The following ADPRHL1 variants were observed in gnomAD, a reference collection of about 807,000 sequenced individuals.
The protein encoded by ADPRHL1 is ADP-ribosylhydrolase like 1, also known as inactive ADP-ribosyltransferase ARH2.
ADPRHL1 carries 43 observed loss-of-function variants against 44.1 expected under a neutral mutation model. The observed-to-expected ratio is 0.98, with a 90% CI of 0.76 to 1.26. The LOEUF (loss-of-function observed/expected upper bound fraction) is 1.26, where lower values mean the gene tolerates loss of function less well. Among genes scored for constraint, ADPRHL1 ranks in the 50% most tolerant of loss-of-function variants. ADPRHL1 has a pLI of 0.00. For missense variants in ADPRHL1, 2,022 were observed against 2,496.9 expected (o/e 0.81, Z 4.05); for synonymous variants, 878 against 1,017.4 (o/e 0.86, Z 2.61).
Position 113,409,692 on chromosome 13 carries a change from C to T in ADPRHL1, c.1062-1472G>A, listed in dbSNP as rs2043837209. 1.2e-6 allele frequency: 1 copy of T among 818,270 alleles called. No individual in the cohort carries two copies. 50.7% of individuals were successfully genotyped at this position (818,270 alleles called of 1,614,324 possible). On this transcript the variant is annotated intron_variant, in intron 7 of 7. Transcript: ENST00000612156. The surrounding 1 kb of genome is among the most constrained non-coding windows in gnomAD (Gnocchi z 4.2). ...ACGAGGTCAGGAGATCGAGACCATC[C>T]TGGATAACACGGTGAAACCCCGTCT...
rs752491772 is a variant in ADPRHL1 at position 113,409,308 on chromosome 13, C to T, written c.1062-1088G>A. 2 of 985,394 alleles carry T rather than the reference C, an allele frequency of 2.0e-6. No homozygotes were observed. Among genetic ancestry groups the T allele is most frequent in the Non-Finnish European group, 2.4e-6 (2 of 829,930 alleles). The allele number at this position is 985,394 out of a possible 1,614,324, so 61.0% of individuals were successfully genotyped here. A position where few individuals can be genotyped will look rare whatever the true frequency, so the allele number is the denominator to read the frequency against. On this transcript the variant is annotated intron_variant, in intron 7 of 7. Coordinates refer to ENST00000612156, the MANE Select transcript of ADPRHL1 (RefSeq NM_001394807.1). The surrounding 1 kb of genome is among the most constrained non-coding windows in gnomAD (Gnocchi z 4.2). The stretch of plus-strand genomic sequence containing the variant: ...GGGGTGGAGCCGTCTCTGACCTCCC[C>T]AGATGATAATTTTGGGTAGACGCAC...
intron 2 of ADPRHL1, among the ~76,000 whole-genome samples, chr13:113,435,437 C>A (rs2044046247): frequency 2.3e-5 from 3 of 131,898 alleles, no homozygotes; most frequent in Non-Finnish European, 4.8e-5. Flanking sequence ...CGGGACCCAG[C>A]ACCCAGGTGT....
Position 113,405,192 on chromosome 13 carries a change from C to A in ADPRHL1, c.4090G>T (p.Ala1364Ser), listed in dbSNP as rs9604100. Residue 1364 changes from alanine to serine, a missense_variant, in exon 8 of 8, where the codon GCA (alanine) becomes TCA (serine). Ala to Ser is a moderately conservative substitution (Grantham distance 99, BLOSUM62 1). Coordinates refer to ENST00000612156, the MANE Select transcript of ADPRHL1 (RefSeq NM_001394807.1). ...RASVPEPRTQ[A>S]GESQERPLTQ... ...AGGGGACGCTCCTGGGATTCACCTG[C>A]CTGCGTCCTAGGCTCGGGGACACTG... The A allele has an allele frequency of 0.095, 117,390 of 1,231,832 alleles. 6,413 individuals carry two copies. The highest frequency in any genetic ancestry group is 0.23 in the African/African-American group (14,738 of 64,516). The allele number at this position is 1,231,832 out of a possible 1,614,324, so 76.3% of individuals were successfully genotyped here. A position where few individuals can be genotyped will look rare whatever the true frequency, so the allele number is the denominator to read the frequency against.
intron 7 of ADPRHL1, among the ~76,000 whole-genome samples, chr13:113,412,449 A>T (rs1162217458): frequency 1.3e-5 from 2 of 152,218 alleles, no homozygotes; most frequent in Non-Finnish European, 2.9e-5. Flanking sequence ...AAGTGCTGGG[A>T]TGACAGGCGT....
At chr13:113,442,731 T>C (rs1037795610) in intron 2 of ADPRHL1, among the ~76,000 whole-genome samples, 6 of 152,236 alleles carry the variant, frequency 3.9e-5, no homozygotes, top group Non-Finnish European at 7.3e-5. Flanking sequence ...TGTGAGTTTA[T>C]AGTTTTCATC....
intron 7 of ADPRHL1, chr13:113,421,974 G>T (rs962444170): frequency 1.3e-5 from 2 of 152,266 alleles, no homozygotes; most frequent in Non-Finnish European, 2.9e-5. Flanking sequence ...ATTCACACCA[G>T]ATGCTGCATG....
intron 4 of ADPRHL1, among the ~76,000 whole-genome samples, chr13:113,426,927 A>G (rs1361873682): frequency 6.6e-6 from 1 of 152,236 alleles, no homozygotes; most frequent in Non-Finnish European, 1.5e-5. Context: ...AGCCCAGAGC[A>G]GTGTTTCCGG....
chr13:113,439,056 T>C (rs1270939156), intron 2 of ADPRHL1, among the ~76,000 whole-genome samples: 1 of 152,212 alleles, frequency 6.6e-6, no homozygotes, highest in African/African-American at 2.4e-5. Context: ...TTTATATTAT[T>C]TATTCCTCAA....
chr13:113,425,171 C>G lies in ADPRHL1; in HGVS notation c.655G>C (p.Glu219Gln). The change falls in exon 5 of 8, where the codon GAG becomes CAG. Residue 219 changes from glutamate to glutamine, a missense_variant. Physicochemically the swap from Glu to Gln is conservative, Grantham distance 29. Around this residue, in one of 8 missense-constraint regions of ADPRHL1, gnomAD observed 437 missense variants for 430.7 expected, o/e 1.01. Transcript: ENST00000612156. ...KTIRHTAEYQ[E>Q]HWFYFEAKWQ... ...TTAGCTTCAAAGTAAAACCAGTGCT[C>G]CTGGTATTCTAAACATAAAGAACAA... 1 of 1,568,676 alleles carries G rather than the reference C, an allele frequency of 6.4e-7. No homozygotes were observed. The highest frequency in any genetic ancestry group is 8.7e-7 in the Non-Finnish European group (1 of 1,151,692).
At chr13:113,419,416 C>T (rs1488390785) in intron 7 of ADPRHL1, among the ~76,000 whole-genome samples, 2 of 151,642 alleles carry the variant, frequency 1.3e-5, no homozygotes, top group African/African-American at 2.4e-5. Flanking sequence ...CTGGCCACAC[C>T]TTATTTCATA....
rs1014019057 is a variant in ADPRHL1, at chr13:113,406,420, G to A, written c.2862C>T (p.Gly954=). ...CAAAGCTGCCTTTGTTTTCCTTCCC[G>A]CCAGCAGGATCTGTCTGGAGTCTCT... The part of the protein sequence containing the change: ...LTQRLQTDPA[G]GKENKGSFEN... Residue 954 remains glycine, a synonymous_variant, in exon 8 of 8, where the codon GGC becomes GGT. Transcript: ENST00000612156. The A allele has an allele frequency of 1.3e-5, 16 of 1,231,916 alleles. No homozygotes were observed. The highest frequency in any genetic ancestry group is 1.1e-4 in the African/African-American group (7 of 64,416). 76.3% of individuals were successfully genotyped at this position (1,231,916 alleles called of 1,614,324 possible). A position where few individuals can be genotyped will look rare whatever the true frequency, so the allele number is the denominator to read the frequency against.
At chr13:113,440,073 AT>A (rs1248774472) in intron 2 of ADPRHL1, among the ~76,000 whole-genome samples, 1 of 152,114 alleles carries the variant, frequency 6.6e-6, no homozygotes, top group Admixed American at 6.6e-5. Flanking sequence ...GTTTTCAATC[AT>A]TGATTTTCAT....
At chr13:113,428,853 T>C in intron 4 of ADPRHL1, 99 bp downstream of exon 4, 1 of 1,552,150 alleles carries the variant, frequency 6.4e-7, no homozygotes, top group Non-Finnish European at 8.7e-7. Context: ...CAGTTCCATC[T>C]AAGAGCGAAA....
chr13:113,430,930 T>G (rs761547886), intron 3 of ADPRHL1, among the ~76,000 whole-genome samples: 3 of 152,158 alleles, frequency 2.0e-5, no homozygotes, highest in Non-Finnish European at 4.4e-5. Flanking sequence ...GCTCCCAGGG[T>G]GTCATCTGCC....
At chr13:113,427,916 AAC>A (rs144760511) in intron 4 of ADPRHL1, among the ~76,000 whole-genome samples, 1,725 of 152,316 alleles carry the variant, frequency 0.011, 39 homozygotes, top group African/African-American at 0.039. Context: ...GGCGTTTCAG[AAC>A]ACGTGCCTGT....
rs2043803536 is a variant in ADPRHL1 at position 113,405,738 on chromosome 13, C to T, written c.3544G>A (p.Glu1182Lys). 2 of 1,231,854 alleles carry T rather than the reference C, an allele frequency of 1.6e-6. No individual in the cohort carries two copies. The highest frequency in any genetic ancestry group is 2.0e-6 in the Non-Finnish European group (2 of 988,044). 76.3% of individuals were successfully genotyped at this position (1,231,854 alleles called of 1,614,324 possible). The change falls in exon 8 of 8, where the codon GAG (glutamate) becomes AAG (lysine). Residue 1182 changes from glutamate to lysine, a missense_variant. Physicochemically the swap from Glu to Lys is moderately conservative, Grantham distance 56. Coordinates refer to ENST00000612156, the MANE Select transcript of ADPRHL1 (RefSeq NM_001394807.1). ...HGLLAPGGSLEPKSGAAGRSL... is the reference protein window; with the variant it reads ...HGLLAPGGSLKPKSGAAGRSL... ...CTCCCTGCTGCTCCACTCTTGGGCT[C>T]CAAGGATCCCCCAGGGGCCAGGAGG...
chr13:113,446,037 CCACA>C (rs1215312409), intron 1 of ADPRHL1, among the ~76,000 whole-genome samples: 3 of 147,048 alleles, frequency 2.0e-5, no homozygotes, highest in African/African-American at 5.1e-5. Context: ...GCTGCAAACC[CCACA>C]GAGAGAGCGT....
rs1010832516 is a variant in ADPRHL1 at position 113,404,420 on chromosome 13, T to C, written c.4862A>G (p.Gln1621Arg). Reference sequence around the variant, plus strand: ...CTGAGCCCATTTCTGGGCCTTTATCTGGGTCTGCCACTGGGCCTGTCCCTG... The same window carrying C: ...CTGAGCCCATTTCTGGGCCTTTATCCGGGTCTGCCACTGGGCCTGTCCCTG... ...EAQGQAQWQT[Q>R]IKAQKWAQEQ... is the part of the protein sequence containing the mutation. The change falls in exon 8 of 8, where the codon CAG (glutamine) becomes CGG (arginine). Residue 1621 changes from glutamine (Q) to arginine (R), a missense_variant. By Grantham distance (43) the Gln-to-Arg change is conservative (BLOSUM62 1). Around this residue, in one of 8 missense-constraint regions of ADPRHL1, gnomAD observed 78 missense variants for 76.5 expected, o/e 1.02. Coordinates refer to ENST00000612156, the MANE Select transcript of ADPRHL1 (RefSeq NM_001394807.1). 4.5e-6 allele frequency: 6 copies of C among 1,323,980 alleles called. No individual in the cohort carries two copies. The Admixed American group carries it at 2.3e-4, about 52-fold the overall frequency. The allele number at this position is 1,323,980 out of a possible 1,614,324, so 82.0% of individuals were successfully genotyped here.
chr13:113,406,287 T>A lies in ADPRHL1; in HGVS notation c.2995A>T (p.Lys999Ter). ...LPESNEISMQ[K>*]KGSATNDPAA... ...GGATCATTTGTTGCGGAGCCCTTCT[T>A]CTGCATTGATATTTCATTAGATTCC... The change falls in exon 8 of 8, where the codon AAG (lysine) becomes TAG (stop). Residue 999 changes from lysine to a stop codon, truncating the protein, a stop_gained. Coordinates refer to ENST00000612156, the MANE Select transcript of ADPRHL1 (RefSeq NM_001394807.1). LOFTEE classifies it low-confidence loss of function (END_TRUNC). The A allele has an allele frequency of 8.1e-7, 1 of 1,232,096 alleles. No individual in the cohort carries two copies. Among genetic ancestry groups the A allele is most frequent in the Non-Finnish European group, 1.0e-6 (1 of 987,976 alleles). The allele number at this position is 1,232,096 out of a possible 1,614,324, so 76.3% of individuals were successfully genotyped here.
Sources: gnomAD v4.1 joint callset for allele counts (sites outside exome capture counted in the v4.1 genomes callset) on GRCh38, gnomAD v4.1.1 for gene constraint, gnomAD v4.1.1 regional missense constraint, Gnocchi (gnomAD v3.1) non-coding constraint, MANE v1.5 for transcripts, NCBI Gene and HGNC (gene_info 2026-07-23, HGNC 2026-07-21) for gene names.